The following UNC13C variants were observed in gnomAD, a reference collection of about 807,000 sequenced individuals.
The protein encoded by UNC13C is protein unc-13 homolog C.
Under a neutral mutation model 245.4 loss-of-function variants are expected in UNC13C, and 174 were observed. The observed-to-expected ratio is 0.71, with a 90% CI of 0.63 to 0.80. UNC13C has a LOEUF of 0.80. Ranked by LOEUF, UNC13C falls within the 30% of genes least tolerant of loss-of-function variation. The pLI is 0.00. For synonymous variants in UNC13C, 992 were observed against 895.1 expected (o/e 1.11, Z -1.93); for missense variants, 2,829 against 2,602.9 (o/e 1.09, Z -1.89).
Position 54,293,929 on chromosome 15 carries a change from A to C in UNC13C, c.3853A>C (p.Arg1285=), listed in dbSNP as rs776770771. ...TAACTCCACAGATCGAATCAAAGTC[A>C]GAGTATGGGATGAAGATGATGATAT... ...CHNSTDRIKV[R]VWDEDDDIKS... Residue 1285 remains arginine (R), a synonymous_variant, in exon 11 of 33, where the codon AGA becomes CGA. Transcript: ENST00000260323. The C allele has an allele frequency of 6.3e-7, 1 of 1,584,348 alleles. No individual in the cohort carries two copies. Among genetic ancestry groups the C allele is most frequent in the Non-Finnish European group, 8.6e-7 (1 of 1,168,750 alleles).
chr15:54,530,218 C>T (rs1259075646), intron 25 of UNC13C, among the ~76,000 whole-genome samples: 3 of 152,138 alleles, frequency 2.0e-5, no homozygotes, highest in Non-Finnish European at 4.4e-5. Flanking sequence ...TTTTGATATA[C>T]ATATCCATTA....
chr15:54,196,816 T>G (rs971482413), intron 4 of UNC13C, among the ~76,000 whole-genome samples: 9 of 152,236 alleles, frequency 5.9e-5, no homozygotes, highest in Admixed American at 3.9e-4. Context: ...ATATGGAAAA[T>G]ATCTTAACCC....
chr15:54,292,160 A>G (rs2140933857), intron 10 of UNC13C, among the ~76,000 whole-genome samples: 1 of 152,152 alleles, frequency 6.6e-6, no homozygotes, highest in South Asian at 2.1e-4. Context: ...TTCTTTGATT[A>G]GTGATTGACA....
intron 4 of UNC13C, among the ~76,000 whole-genome samples, chr15:54,218,782 A>T (rs1476635362): frequency 6.6e-6 from 1 of 151,940 alleles, no homozygotes; most frequent in Non-Finnish European, 1.5e-5. Flanking sequence ...GGAATAGGGC[A>T]CTATTGATGA....
chr15:54,250,558 TC>T, intron 8 of UNC13C, 114 bp downstream of exon 8: 2 of 887,758 alleles, frequency 2.3e-6, no homozygotes, highest in Non-Finnish European at 3.4e-6. Flanking sequence ...CCCGCTCCCC[TC>T]CCACCACTTA....
chr15:54,550,809 C>A (rs1325311382), intron 28 of UNC13C, among the ~76,000 whole-genome samples: 1 of 152,136 alleles, frequency 6.6e-6, no homozygotes, highest in Non-Finnish European at 1.5e-5. Context: ...TTTATTACCT[C>A]CCTGGGATTT....
intron 2 of UNC13C, among the ~76,000 whole-genome samples, chr15:54,053,230 C>A (rs962279229): frequency 6.6e-6 from 1 of 151,980 alleles, no homozygotes; most frequent in African/African-American, 2.4e-5. Context: ...TCTGGTTTCA[C>A]CATGTTGTTC....
At chr15:54,388,475 A>G (rs765414838) in intron 17 of UNC13C, among the ~76,000 whole-genome samples, 4 of 152,060 alleles carry the variant, frequency 2.6e-5, no homozygotes, top group African/African-American at 4.8e-5. Flanking sequence ...GCAATTTCAA[A>G]CTTTTACTAC....
chr15:54,450,611 C>T (rs770379671), intron 19 of UNC13C, among the ~76,000 whole-genome samples: 23 of 152,192 alleles, frequency 1.5e-4, no homozygotes, highest in Admixed American at 7.2e-4. Flanking sequence ...TTTGTTAAGA[C>T]GATTGGAAAA....
At chr15:53,984,259 T>C (rs890527429) in intron 1 of UNC13C, among the ~76,000 whole-genome samples, 8 of 152,106 alleles carry the variant, frequency 5.3e-5, no homozygotes, top group Non-Finnish European at 1.2e-4. Flanking sequence ...CTTTTTCTAT[T>C]TCCTTATCCA....
At chr15:54,259,498 T>C (rs1262606534) in intron 8 of UNC13C, among the ~76,000 whole-genome samples, 1 of 152,046 alleles carries the variant, frequency 6.6e-6, no homozygotes, top group African/African-American at 2.4e-5. Context: ...AACCATCAGA[T>C]CTCATGAGAC....
At chr15:54,365,386 C>T (rs976851995) in intron 17 of UNC13C, among the ~76,000 whole-genome samples, 4 of 152,098 alleles carry the variant, frequency 2.6e-5, no homozygotes, top group African/African-American at 7.2e-5. Context: ...TTTTTAAAAA[C>T]CACTTTGTTG....
At chr15:54,603,068 C>T (rs1354800719) in intron 30 of UNC13C, among the ~76,000 whole-genome samples, 1 of 152,176 alleles carries the variant, frequency 6.6e-6, no homozygotes, top group Non-Finnish European at 1.5e-5. Flanking sequence ...AGACACCAGT[C>T]ACACAAAGAA....
chr15:54,417,480 A>G (rs1219711569), intron 19 of UNC13C, among the ~76,000 whole-genome samples: 1 of 152,146 alleles, frequency 6.6e-6, no homozygotes, highest in Non-Finnish European at 1.5e-5. Context: ...AATTAACCTT[A>G]CCATTTAAGT....
chr15:54,089,530 T>C (rs1367915449), intron 2 of UNC13C, among the ~76,000 whole-genome samples: 1 of 152,184 alleles, frequency 6.6e-6, no homozygotes, highest in African/African-American at 2.4e-5. Context: ...TGTCATCGTA[T>C]GTGCATGTGT....
intron 30 of UNC13C, among the ~76,000 whole-genome samples, chr15:54,605,659 A>C (rs1289301624): frequency 6.6e-6 from 1 of 152,186 alleles, no homozygotes; most frequent in East Asian, 1.9e-4. Flanking sequence ...ATCCTAACCA[A>C]GTTTTAATGC....
At chr15:54,235,419 T>C (rs554857388) in intron 5 of UNC13C, among the ~76,000 whole-genome samples, 1 of 152,332 alleles carries the variant, frequency 6.6e-6, no homozygotes, top group Middle Eastern at 3.4e-3. Flanking sequence ...ATGTGTTTAG[T>C]GTTATGAATG....
At position 54,282,664 on chromosome 15, in the gene UNC13C, CA is replaced by C. The variant is rs1244046141; in HGVS notation, c.3819-11229del. 3.9e-5 allele frequency among the ~76,000 whole-genome samples: 6 copies of C among 152,158 alleles called. No individual in the cohort carries two copies. In the South Asian group the frequency reaches 6.2e-4, roughly 16 times the overall value. On this transcript the variant is annotated intron_variant, in intron 10 of 32. Coordinates refer to ENST00000260323, the MANE Select transcript of UNC13C (RefSeq NM_001080534.3). Reference sequence around the variant, plus strand: ...GGTGGGTGCCCTCTGCTGACAAGTGCAAGGGGCCAGTGTGACAGCCTTTTCT... The same window carrying C: ...GGTGGGTGCCCTCTGCTGACAAGTGCAGGGGCCAGTGTGACAGCCTTTTCT...
intron 2 of UNC13C, among the ~76,000 whole-genome samples, chr15:54,075,836 T>C (rs573051505): frequency 6.6e-6 from 1 of 152,002 alleles, no homozygotes; most frequent in Admixed American, 6.6e-5. Context: ...TCTTCAGATA[T>C]AATGCCAGAG....
Sources: allele counts gnomAD v4.1 joint callset (sites outside exome capture counted in the v4.1 genomes callset), GRCh38; gene constraint gnomAD v4.1.1; transcripts MANE v1.5; gene names NCBI Gene and HGNC (gene_info 2026-07-23, HGNC 2026-07-21).